EPG5: variants seen among roughly 807,000 people sequenced by gnomAD.
EPG5 encodes ectopic P granules protein 5 homolog.
In EPG5, 159 loss-of-function variants were observed where a neutral mutation model predicts 302.7. The ratio of observed to expected loss-of-function variants is 0.53; its 90% confidence interval spans 0.46 to 0.60. The LOEUF (loss-of-function observed/expected upper bound fraction) is 0.60, where lower values mean the gene tolerates loss of function less well. EPG5 is among the 20% of genes least tolerant of loss of function. The pLI is 0.00. For missense variants in EPG5, 2,896 were observed against 3,092.4 expected, an observed-to-expected ratio of 0.94 and a Z score of 1.51; for synonymous variants, 1,158 against 1,136.8, an observed-to-expected ratio of 1.02 and a Z score of -0.37.
chr18:45,958,214 CTA>C (rs1395458291), intron 1 of EPG5, among the ~76,000 whole-genome samples: 6 of 152,160 alleles, frequency 3.9e-5, no homozygotes, highest in African/African-American at 1.2e-4. Flanking sequence ...GAAAGACAAT[CTA>C]TGTCTTTCGC....
intron 30 of EPG5, among the ~76,000 whole-genome samples, chr18:45,883,507 T>C (rs115836307): frequency 0.037 from 5,498 of 148,426 alleles, 308 homozygotes; most frequent in African/African-American, 0.12. Flanking sequence ...ATCACCCAGG[T>C]TGGAGTGCAG....
the EPG5 span, among the ~76,000 whole-genome samples, chr18:45,802,781 T>C: frequency 1.3e-5 from 2 of 152,348 alleles, no homozygotes; most frequent in African/African-American, 4.8e-5. Flanking sequence ...GCTCTCTTGA[T>C]GGTAAATAAA....
chr18:45,853,327 C>A (rs2048452175), intron 43 of EPG5, among the ~76,000 whole-genome samples: 1 of 152,178 alleles, frequency 6.6e-6, no homozygotes, highest in Non-Finnish European at 1.5e-5. Context: ...TGTTTCCATG[C>A]CTCTCTTCAG....
At chr18:45,907,870 T>C in intron 24 of EPG5, 88 bp downstream of exon 24, 9 of 1,282,206 alleles carry the variant, frequency 7.0e-6, no homozygotes, top group Non-Finnish European at 9.3e-6. Flanking sequence ...TTCTTATCAA[T>C]AAATTGTTTT....
chr18:45,890,777 G>T (rs1228723025), intron 27 of EPG5, among the ~76,000 whole-genome samples: 4 of 152,192 alleles, frequency 2.6e-5, no homozygotes, highest in Non-Finnish European at 5.9e-5. Flanking sequence ...GGCCCAGATT[G>T]CAACACAAAC....
the EPG5 span, among the ~76,000 whole-genome samples, chr18:45,826,955 C>T: frequency 6.6e-6 from 1 of 152,296 alleles, no homozygotes; most frequent in Non-Finnish European, 1.5e-5. Flanking sequence ...CACTCTGTCA[C>T]CCAGGCTGGA....
Position 45,929,002 on chromosome 18 carries a change from T to G in EPG5, c.2420A>C (p.Tyr807Ser), listed in dbSNP as rs1436830345. Residue 807 changes from tyrosine (Y) to serine (S), a missense_variant, in exon 13 of 44, where the codon TAT (tyrosine) becomes TCT (serine). Physicochemically the swap from Tyr to Ser is moderately radical, Grantham distance 144. Coordinates refer to ENST00000282041, the MANE Select transcript of EPG5 (RefSeq NM_020964.3). The stretch of plus-strand genomic sequence containing the variant: ...AGTCTCTCTGGTAGACAAGGTGACA[T>G]AAGATACCTAAATGGGGGGAAGGGG... ...IIVLEIYEVS[Y>S]VTLSTRETFS... 1.9e-6 allele frequency: 3 copies of G among 1,613,596 alleles called. No homozygotes were observed. The highest frequency in any genetic ancestry group is 2.5e-6 in the Non-Finnish European group (3 of 1,179,850).
chr18:45,876,169 G>A (rs891521274), intron 35 of EPG5, 67 bp downstream of exon 35: 2 of 1,061,710 alleles, frequency 1.9e-6, no homozygotes, highest in South Asian at 1.4e-5. Context: ...GAGGAAAGTA[G>A]AAGAAAAAGA....
chr18:45,830,604 G>C, the EPG5 span, among the ~76,000 whole-genome samples: 1 of 9,612 alleles, frequency 1.0e-4, no homozygotes, highest in Non-Finnish European at 2.1e-4. Flanking sequence ...TTTTTTTTTT[G>C]AGACGGAGTC....
chr18:45,844,847 G>A (rs2048351900), downstream of EPG5, among the ~76,000 whole-genome samples: 2 of 152,184 alleles, frequency 1.3e-5, no homozygotes. Context: ...TAAGGACACA[G>A]GAGTGGTGTG....
At chr18:45,893,603 A>G (rs557827068) in intron 27 of EPG5, among the ~76,000 whole-genome samples, 1 of 152,134 alleles carries the variant, frequency 6.6e-6, no homozygotes, top group South Asian at 2.1e-4. Flanking sequence ...ACCTAGCATA[A>G]TACCAGGGAC....
intron 29 of EPG5, 68 bp from the exon 30 acceptor site, chr18:45,884,879 T>C: frequency 8.9e-7 from 1 of 1,122,366 alleles, no homozygotes. Context: ...AGCAAGCAAA[T>C]TTTTAAGGGG....
rs1385195435 is a variant in EPG5 at position 45,954,505 on chromosome 18, T to A, written c.897A>T (p.Arg299=). The change falls in exon 2 of 44, where the codon CGA becomes CGT. Residue 299 remains arginine, a synonymous_variant. Coordinates refer to ENST00000282041, the MANE Select transcript of EPG5 (RefSeq NM_020964.3). ...EFYELLLNYS[R]CRKQLLLAEA... is the part of the protein sequence containing the mutation. ...CAGCCAGCAGCAGTTGCTTCCTACA[T>A]CGTGAGTAGTTCAAAAGCAACTCAT... 1 of 1,614,242 alleles carries A rather than the reference T, an allele frequency of 6.2e-7. No individual in the cohort carries two copies. The highest frequency in any genetic ancestry group is 2.2e-5 in the East Asian group (1 of 44,890).
At chr18:45,937,356 A>G (rs2050559478) in intron 10 of EPG5, among the ~76,000 whole-genome samples, 1 of 150,436 alleles carries the variant, frequency 6.6e-6, no homozygotes, top group Admixed American at 6.7e-5. Flanking sequence ...ATATACACAT[A>G]TATATACACA....
the EPG5 span, among the ~76,000 whole-genome samples, chr18:45,820,339 G>C: frequency 1.3e-5 from 2 of 152,146 alleles, no homozygotes; most frequent in Admixed American, 6.5e-5. Context: ...CCCATGTCAT[G>C]TATTAGGAAA....
chr18:45,898,852 C>T (rs1021574809), intron 27 of EPG5, among the ~76,000 whole-genome samples: 14 of 152,136 alleles, frequency 9.2e-5, no homozygotes, highest in African/African-American at 3.1e-4. Context: ...TGAGACCGGA[C>T]GCGGTGGCTC....
At chr18:45,909,862 C>T (rs1017942159) in intron 23 of EPG5, among the ~76,000 whole-genome samples, 3 of 152,194 alleles carry the variant, frequency 2.0e-5, no homozygotes, top group Admixed American at 6.5e-5. Flanking sequence ...AGGAGGATCA[C>T]GTGAGCCCAG....
At chr18:45,826,231 T>A in the EPG5 span, among the ~76,000 whole-genome samples, 3 of 151,482 alleles carry the variant, frequency 2.0e-5, no homozygotes, top group African/African-American at 7.3e-5. Flanking sequence ...GGTGATTTCA[T>A]GTGGGGGATA....
the EPG5 span, among the ~76,000 whole-genome samples, chr18:45,826,534 G>A: frequency 2.0e-5 from 3 of 152,100 alleles, no homozygotes; most frequent in Non-Finnish European, 4.4e-5. Context: ...GACACTCGAT[G>A]CATTTGAGGG....
Sources: allele counts gnomAD v4.1 joint callset (sites outside exome capture counted in the v4.1 genomes callset), GRCh38; gene constraint gnomAD v4.1.1; transcripts MANE v1.5; gene names NCBI Gene and HGNC (gene_info 2026-07-23, HGNC 2026-07-21).